Variants in SMIM17 observed in about 807,000 individuals in gnomAD.
SMIM17 encodes small integral membrane protein 17.
A neutral mutation model predicts 12.2 loss-of-function variants in SMIM17; 10 were observed. The ratio of observed to expected loss-of-function variants is 0.82; its 90% CI spans 0.50 to 1.39. The LOEUF (loss-of-function observed/expected upper bound fraction) is 1.39. Ranked by LOEUF, SMIM17 falls within the 40% of genes most tolerant of loss-of-function variation. The pLI, the probability that SMIM17 is intolerant of heterozygous loss-of-function variation, is 0.00. For synonymous variants in SMIM17, 50 were observed against 44.1 expected (o/e 1.13, Z -0.53); for missense variants, 136 against 118.2 (o/e 1.15, Z -0.70).
chr19:56,651,247 T>A (rs979101421), intron 3 of SMIM17, among the ~76,000 whole-genome samples: 1 of 152,166 alleles, frequency 6.6e-6, no homozygotes, highest in Non-Finnish European at 1.5e-5. Flanking sequence ...AGAGAGGTTA[T>A]GTGACTTTCC....
chr19:56,653,096 G>A, intron 3 of SMIM17, among the ~76,000 whole-genome samples: 1 of 152,130 alleles, frequency 6.6e-6, no homozygotes, highest in East Asian at 1.9e-4. Context: ...GTTTACACAT[G>A]TACATCCGTG....
chr19:56,647,549 C>T lies in SMIM17; in HGVS notation c.170-9C>T. The T allele has an allele frequency of 3.3e-6, 5 of 1,535,028 alleles. No individual in the cohort carries two copies. The highest frequency in any genetic ancestry group is 4.4e-6 in the Non-Finnish European group (5 of 1,146,326). On this transcript the variant is annotated splice_polypyrimidine_tract_variant and intron_variant, in intron 2 of 3. Transcript: ENST00000598409. ...GGCTCCTTTTTCCTCCACTCCCACCCTCACCCAGACCTGTCTTCTCAAGAG... is the reference window on the plus strand; with the variant it reads ...GGCTCCTTTTTCCTCCACTCCCACCTTCACCCAGACCTGTCTTCTCAAGAG...
intron 3 of SMIM17, among the ~76,000 whole-genome samples, chr19:56,651,767 AG>A (rs2045110915): frequency 6.6e-6 from 1 of 152,050 alleles, no homozygotes; most frequent in Non-Finnish European, 1.5e-5. Context: ...CTGTACACCT[AG>A]GATGTGTGCA....
intron 2 of SMIM17, among the ~76,000 whole-genome samples, chr19:56,646,534 T>TC (rs1309251481): frequency 6.6e-6 from 1 of 151,770 alleles, no homozygotes; most frequent in Non-Finnish European, 1.5e-5. Context: ...GGACGGACCC[T>TC]CCCCCCACAG....
chr19:56,655,551 C>T lies in SMIM17; in HGVS notation c.*338C>T, dbSNP rs75434923. On this transcript the variant is annotated 3_prime_UTR_variant, in exon 4 of 4. Coordinates refer to ENST00000598409, the MANE Select transcript of SMIM17 (RefSeq NM_001193628.2). ...AACTGAAGATCAATGAAATCTGGTA[C>T]ATTTCCTAACATCAAACCAACTTTG... The T allele has an allele frequency of 4.3e-3, 1,293 of 300,800 alleles. 14 individuals are homozygous for T. Among genetic ancestry groups the T allele is most frequent in the African/African-American group, 0.024 (1,101 of 46,724 alleles). 18.6% of individuals were successfully genotyped at this position (300,800 alleles called of 1,614,324 possible). A position where few individuals can be genotyped will look rare whatever the true frequency, so the allele number is the denominator to read the frequency against.
chr19:56,655,250 A>G lies in SMIM17; in HGVS notation c.*37A>G, dbSNP rs1482929751. On this transcript the variant is annotated 3_prime_UTR_variant, in exon 4 of 4. Coordinates refer to ENST00000598409, the MANE Select transcript of SMIM17 (RefSeq NM_001193628.2). ...GCTGTTGTTTTAAAAGTTTAATTTA[A>G]TGAAATAGATGCCCTATGTCATGTT... 1 of 693,168 alleles carries G rather than the reference A, an allele frequency of 1.4e-6. No individual in the cohort carries two copies. The highest frequency in any genetic ancestry group is 1.5e-5 in the South Asian group (1 of 66,098). 42.9% of individuals were successfully genotyped at this position (693,168 alleles called of 1,614,324 possible). A position where few individuals can be genotyped will look rare whatever the true frequency, so the allele number is the denominator to read the frequency against.
intron 3 of SMIM17, among the ~76,000 whole-genome samples, chr19:56,653,343 G>A (rs576475419): frequency 4.6e-5 from 7 of 152,274 alleles, no homozygotes; most frequent in African/African-American, 1.7e-4. Context: ...TATTCCTCCA[G>A]TTGGCATTTT....
At chr19:56,648,089 C>A (rs980976365) in intron 3 of SMIM17, among the ~76,000 whole-genome samples, 1 of 150,226 alleles carries the variant, frequency 6.7e-6, no homozygotes, top group Non-Finnish European at 1.5e-5. Flanking sequence ...ATCCATCCAT[C>A]CATCCATCCA....
At chr19:56,651,271 G>C (rs530519926) in intron 3 of SMIM17, among the ~76,000 whole-genome samples, 9 of 152,136 alleles carry the variant, frequency 5.9e-5, no homozygotes, top group African/African-American at 2.2e-4. Context: ...GTCATGCAAC[G>C]TGTAAATGGC....
intron 3 of SMIM17, among the ~76,000 whole-genome samples, chr19:56,653,154 C>T (rs552546854): frequency 6.6e-6 from 1 of 152,312 alleles, no homozygotes; most frequent in East Asian, 1.9e-4. Flanking sequence ...AATTCTAGAA[C>T]ATTCTCTTAT....
intron 1 of SMIM17, among the ~76,000 whole-genome samples, chr19:56,643,428 G>A (rs2045038983): frequency 6.6e-6 from 1 of 152,198 alleles, no homozygotes; most frequent in Non-Finnish European, 1.5e-5. Context: ...GTCGGGGTCG[G>A]GTCTGTTTCT....
chr19:56,653,416 A>C (rs2045125018), intron 3 of SMIM17, among the ~76,000 whole-genome samples: 1 of 152,134 alleles, frequency 6.6e-6, no homozygotes. Flanking sequence ...TTGTATTTCA[A>C]AGTTACTTTT....
chr19:56,653,724 C>G (rs763303707), intron 3 of SMIM17, among the ~76,000 whole-genome samples: 1 of 152,172 alleles, frequency 6.6e-6, no homozygotes, highest in South Asian at 2.1e-4. Flanking sequence ...GTCATTGTCC[C>G]TAGGTATCTG....
intron 3 of SMIM17, among the ~76,000 whole-genome samples, chr19:56,648,987 G>A (rs1037534915): frequency 4.6e-5 from 7 of 152,140 alleles, no homozygotes; most frequent in Admixed American, 1.3e-4. Flanking sequence ...TTATTGGCTC[G>A]TGGTGCAGGG....
At chr19:56,650,983 GA>G (rs2045104796) in intron 3 of SMIM17, among the ~76,000 whole-genome samples, 1 of 152,210 alleles carries the variant, frequency 6.6e-6, no homozygotes, top group Non-Finnish European at 1.5e-5. Flanking sequence ...GCTGATAGGG[GA>G]GGGCCTCTCA....
At chr19:56,651,070 AAG>A (rs2045105521) in intron 3 of SMIM17, among the ~76,000 whole-genome samples, 1 of 152,184 alleles carries the variant, frequency 6.6e-6, no homozygotes, top group Non-Finnish European at 1.5e-5. Flanking sequence ...TCAAAAAAGA[AAG>A]AGGAGCGGGC....
chr19:56,644,258 G>T (rs573990989), intron 1 of SMIM17, among the ~76,000 whole-genome samples: 28 of 151,750 alleles, frequency 1.8e-4, no homozygotes, highest in Non-Finnish European at 2.9e-4. Flanking sequence ...ACTCCCTAAT[G>T]GTACTCTCTA....
intron 1 of SMIM17, among the ~76,000 whole-genome samples, chr19:56,644,976 G>C (rs981681128): frequency 1.3e-5 from 2 of 152,176 alleles, no homozygotes; most frequent in Non-Finnish European, 2.9e-5. Flanking sequence ...CTCCCAAAGT[G>C]CTAGGATTAC....
At chr19:56,645,386 G>A (rs996743801) in intron 1 of SMIM17, among the ~76,000 whole-genome samples, 182 bp from the exon 2 acceptor site, 2 of 152,170 alleles carry the variant, frequency 1.3e-5, no homozygotes, top group African/African-American at 2.4e-5. Context: ...GCACCCTCTA[G>A]CGTTTGACCT....
Sources: gnomAD v4.1 joint callset for allele counts (sites outside exome capture counted in the v4.1 genomes callset) on GRCh38, gnomAD v4.1.1 for gene constraint, MANE v1.5 for transcripts, NCBI Gene and HGNC (gene_info 2026-07-23, HGNC 2026-07-21) for gene names.